Variants in ZNF420 observed in about 807,000 individuals in gnomAD.
The protein encoded by ZNF420 is zinc finger protein 420, also known as ATM and p53-associated KZNF protein.
A neutral mutation model predicts 44.7 loss-of-function variants in ZNF420; 31 were observed. The ratio of observed to expected loss-of-function variants is 0.69; its 90% CI spans 0.52 to 0.94. The LOEUF is 0.94. ZNF420 is among the 40% of genes least tolerant of loss of function. The probability of loss-of-function intolerance (pLI) is 0.00; values close to 1 mark genes in which losing one functional copy is unlikely to be tolerated. For missense variants in ZNF420, 681 were observed against 827.9 expected (o/e 0.82, Z 2.18); for synonymous variants, 245 against 267.4 (o/e 0.92, Z 0.82).
chr19:37,027,192 G>C (rs947130927), intron 1 of ZNF420, among the ~76,000 whole-genome samples: 8 of 152,112 alleles, frequency 5.3e-5, no homozygotes, highest in Non-Finnish European at 1.2e-4. Flanking sequence ...TGCAGGCTGG[G>C]CAGTGAGCTG....
At chr19:37,037,367 A>G (rs1422744667) in intron 1 of ZNF420, among the ~76,000 whole-genome samples, 1 of 152,204 alleles carries the variant, frequency 6.6e-6, no homozygotes, top group African/African-American at 2.4e-5. Context: ...GCTCAGTGCA[A>G]TGGCGCCTGC....
chr19:37,032,203 G>A (rs1228681725), intron 1 of ZNF420, among the ~76,000 whole-genome samples: 1 of 152,124 alleles, frequency 6.6e-6, no homozygotes, highest in Non-Finnish European at 1.5e-5. Context: ...AGCCTGGCGT[G>A]GTGGCATGTG....
Position 37,127,991 on chromosome 19 carries a change from C to A in ZNF420, c.1000C>A (p.Pro334Thr). 6.2e-7 allele frequency: 1 copy of A among 1,613,658 alleles called. No homozygotes were observed. Among genetic ancestry groups the A allele is most frequent in the Non-Finnish European group, 8.5e-7 (1 of 1,179,896 alleles). The stretch of plus-strand genomic sequence containing the variant: ...TCAGAAAATTCATAATGGGGAAAAA[C>A]CATATGAATGTAAGGAATGTGGAAG... Reference protein sequence around the residue: ...QHQKIHNGEKPYECKECGRAF... With the variant: ...QHQKIHNGEKTYECKECGRAF... The change falls in exon 5 of 5, where the codon CCA becomes ACA. Residue 334 changes from proline (P) to threonine (T), a missense_variant. By Grantham distance (38) the Pro-to-Thr change is conservative (BLOSUM62 -1). Transcript: ENST00000337995.
rs866962706 is a variant in ZNF420, at chr19:37,066,391, C to T, written c.-124-13954C>T. On this transcript the variant is annotated intron_variant, in intron 1 of 4. Coordinates refer to the ZNF420 transcript ENST00000587029. ...CCGGGAGGCAGAGGTTGCAGTGAGCCGAGATTGCACTCCAGCCTGGGTGAC... is the reference window on the plus strand; with the variant it reads ...CCGGGAGGCAGAGGTTGCAGTGAGCTGAGATTGCACTCCAGCCTGGGTGAC... Among the ~76,000 whole-genome samples the T allele has an allele frequency of 4.0e-5, 6 of 150,944 alleles. No individual in the cohort carries two copies. The Middle Eastern group carries it at 0.01, about 257-fold the overall frequency.
At chr19:37,126,896 A>G (rs959489713) in intron 4 of ZNF420, among the ~76,000 whole-genome samples, 3 of 152,192 alleles carry the variant, frequency 2.0e-5, no homozygotes, top group Non-Finnish European at 4.4e-5. Context: ...GAGAAATTGA[A>G]AAAAGTAGAA....
intron 1 of ZNF420, among the ~76,000 whole-genome samples, chr19:37,024,252 G>A (rs1037879507): frequency 6.6e-6 from 1 of 152,018 alleles, no homozygotes; most frequent in African/African-American, 2.4e-5. Context: ...TTGAACTAGT[G>A]TAACTCTGGC....
Position 37,127,649 on chromosome 19 carries a change from G to A in ZNF420, c.658G>A (p.Glu220Lys), listed in dbSNP as rs1187798102. ...LILHHRIHTG[E>K]KPYKCEECGK... is the part of the protein sequence containing the mutation. ...TTTACATCATAGAATTCATACTGGTGAAAAACCATATAAATGTGAAGAATG... is the reference window on the plus strand; with the variant it reads ...TTTACATCATAGAATTCATACTGGTAAAAAACCATATAAATGTGAAGAATG... The change falls in exon 5 of 5, where the codon GAA becomes AAA. Residue 220 changes from glutamate (E) to lysine (K), a missense_variant. Physicochemically the swap from Glu to Lys is moderately conservative, Grantham distance 56. Around this residue, in one of 3 missense-constraint regions of ZNF420, gnomAD observed 350 missense variants for 382.5 expected, o/e 0.92. Transcript: ENST00000337995. The A allele has an allele frequency of 1.2e-6, 2 of 1,613,948 alleles. No individual in the cohort carries two copies. Among genetic ancestry groups the A allele is most frequent in the Non-Finnish European group, 1.7e-6 (2 of 1,179,936 alleles).
intron 4 of ZNF420, among the ~76,000 whole-genome samples, chr19:37,104,877 C>A (rs1390879283): frequency 9.2e-5 from 14 of 152,114 alleles, no homozygotes; most frequent in African/African-American, 3.4e-4. Context: ...AATTTGAGTT[C>A]TTTGTAGATT....
At chr19:37,056,847 A>G (rs11881645) in intron 1 of ZNF420, among the ~76,000 whole-genome samples, 77,418 of 152,164 alleles carry the variant, frequency 0.51, 20,234 homozygotes, top group African/African-American at 0.58. Flanking sequence ...TGGGGTGCCT[A>G]CAGCCCTCTC....
At chr19:37,116,008 A>G (rs779506574) in intron 4 of ZNF420, among the ~76,000 whole-genome samples, 3 of 152,174 alleles carry the variant, frequency 2.0e-5, no homozygotes, top group Non-Finnish European at 2.9e-5. Context: ...AACACAGCAC[A>G]TGTTTCAGGG....
chr19:37,023,618 G>A (rs1056988809), intron 1 of ZNF420, among the ~76,000 whole-genome samples: 1 of 152,096 alleles, frequency 6.6e-6, no homozygotes, highest in Non-Finnish European at 1.5e-5. Context: ...CACCCCTCTT[G>A]GCCTCCCAAA....
chr19:37,126,884 CAG>C (rs1971372622), intron 4 of ZNF420, among the ~76,000 whole-genome samples: 1 of 151,698 alleles, frequency 6.6e-6, no homozygotes, highest in Admixed American at 6.6e-5. Flanking sequence ...GTGTATGAGA[CAG>C]AGAAATTGAA....
chr19:37,130,016 T>C lies in ZNF420; in HGVS notation c.*958T>C. The C allele has an allele frequency of 1.3e-6, 2 of 1,524,738 alleles. No homozygotes were observed. Among genetic ancestry groups the C allele is most frequent in the Non-Finnish European group, 1.8e-6 (2 of 1,134,228 alleles). The allele number at this position is 1,524,738 out of a possible 1,614,324, so 94.5% of individuals were successfully genotyped here. A position where few individuals can be genotyped will look rare whatever the true frequency, so the allele number is the denominator to read the frequency against. On this transcript the variant is annotated 3_prime_UTR_variant, in exon 5 of 5. Coordinates refer to ENST00000337995, the MANE Select transcript of ZNF420 (RefSeq NM_144689.5). ...CTATTTTCTCTTTTTTAGTAACAAA[T>C]TTCTGGGCTGAAAATCTCAGCCTTC...
intron 1 of ZNF420, among the ~76,000 whole-genome samples, chr19:37,010,252 G>A (rs551839016): frequency 1.1e-4 from 17 of 152,278 alleles, no homozygotes; most frequent in Admixed American, 9.2e-4. Context: ...GCCAGGAGTC[G>A]CGGAGGGCGG....
At chr19:37,071,825 A>T (rs1968063708) in intron 1 of ZNF420, among the ~76,000 whole-genome samples, 1 of 152,010 alleles carries the variant, frequency 6.6e-6, no homozygotes, top group Non-Finnish European at 1.5e-5. Context: ...TTTCTTTCTT[A>T]AAAAAGGTAG....
At position 37,127,241 on chromosome 19, in the gene ZNF420, T is replaced by C. The variant is rs762699345; in HGVS notation, c.250T>C (p.Ser84Pro). ...ACTTGAAAACTGTGATCTTGAAGAG[T>C]CCAATTCCAGGGATTATTTGGAAGC... Reference protein sequence around the residue: ...DRLENCDLEESNSRDYLEAKG... With the variant: ...DRLENCDLEEPNSRDYLEAKG... The change falls in exon 5 of 5, where the codon TCC becomes CCC. Residue 84 changes from serine (S) to proline (P), a missense_variant. Physicochemically the swap from Ser to Pro is moderately conservative, Grantham distance 74. Coordinates refer to ENST00000337995, the MANE Select transcript of ZNF420 (RefSeq NM_144689.5). 2.4e-5 allele frequency: 39 copies of C among 1,613,018 alleles called. No homozygotes were observed. Among genetic ancestry groups the C allele is most frequent in the Non-Finnish European group, 2.8e-5 (33 of 1,179,650 alleles).
At chr19:37,071,627 C>T (rs1345631762) in intron 1 of ZNF420, among the ~76,000 whole-genome samples, 6 of 152,006 alleles carry the variant, frequency 3.9e-5, no homozygotes, top group Non-Finnish European at 8.8e-5. Flanking sequence ...AAGGTGAAAC[C>T]CCATCTCTAC....
Position 37,022,750 on chromosome 19 carries a change from A to C in ZNF420, c.-125+14668A>C, listed in dbSNP as rs534888336. Among the ~76,000 whole-genome samples, 75 of 152,308 alleles carry C rather than the reference A, an allele frequency of 4.9e-4. 4 individuals are homozygous for C. The South Asian group carries it at 0.014, about 28-fold the overall frequency. ...ACAGCAATATACTGTAGGTACTACTATCGCCATTTACATATGATGCCCAGA... is the reference window on the plus strand; with the variant it reads ...ACAGCAATATACTGTAGGTACTACTCTCGCCATTTACATATGATGCCCAGA... On this transcript the variant is annotated intron_variant, in intron 1 of 4. Coordinates refer to the ZNF420 transcript ENST00000587029.
intron 1 of ZNF420, among the ~76,000 whole-genome samples, chr19:37,073,108 G>T (rs1241971508): frequency 6.6e-6 from 1 of 152,108 alleles, no homozygotes; most frequent in African/African-American, 2.4e-5. Context: ...ACTTTGGGAG[G>T]CTGAGGGAGG....
Sources: gnomAD v4.1 joint callset for allele counts (sites outside exome capture counted in the v4.1 genomes callset) on GRCh38, gnomAD v4.1.1 for gene constraint, gnomAD v4.1.1 regional missense constraint, MANE v1.5 for transcripts, NCBI Gene and HGNC (gene_info 2026-07-23, HGNC 2026-07-21) for gene names.